RBFOX1: variants seen among roughly 807,000 people sequenced by gnomAD.
RBFOX1 encodes RNA binding fox-1 homolog 1, also known as RNA binding protein fox-1 homolog 1.
A neutral mutation model predicts 57.7 loss-of-function variants in RBFOX1; 8 were observed. The ratio of observed to expected loss-of-function variants is 0.14; its 90% confidence interval spans 0.08 to 0.25. The LOEUF is 0.25. Ranked by LOEUF, RBFOX1 falls within the 10% of genes least tolerant of loss-of-function variation. The probability of loss-of-function intolerance (pLI) is 1.00; values close to 1 mark genes in which losing one functional copy is unlikely to be tolerated. For missense variants in RBFOX1, 611 were observed against 548.5 expected (o/e 1.11, Z -1.14); for synonymous variants, 326 against 222.4 (o/e 1.47, Z -4.15).
rs184785341 is a variant in RBFOX1 at position 7,244,864 on chromosome 16, A to T, written c.27+192766A>T. On this transcript the variant is annotated intron_variant, in intron 4 of 15. Transcript: ENST00000550418. ...TGCTCATGATGGGCCTAAATAAGAG[A>T]TATTCCTCTACTGTAAGAAAAGCTC... Among the ~76,000 whole-genome samples, 8 of 152,236 alleles carry T rather than the reference A, an allele frequency of 5.3e-5. No individual in the cohort carries two copies. The East Asian group carries it at 7.7e-4, about 15-fold the overall frequency.
At chr16:7,274,674 G>GT (rs913377006) in intron 4 of RBFOX1, among the ~76,000 whole-genome samples, 30 of 145,932 alleles carry the variant, frequency 2.1e-4, no homozygotes, top group Admixed American at 1.7e-3. Context: ...AGAGCATTAG[G>GT]TTTTTTTTAC....
At chr16:7,228,316 A>G (rs560795211) in intron 4 of RBFOX1, among the ~76,000 whole-genome samples, 8 of 152,306 alleles carry the variant, frequency 5.3e-5, no homozygotes, top group African/African-American at 1.9e-4. Context: ...TATTATTCAC[A>G]TATTAGGAGG....
chr16:6,378,399 C>G (rs1468611), intron 2 of RBFOX1, among the ~76,000 whole-genome samples: 68,322 of 152,102 alleles, frequency 0.45, 15,825 homozygotes, highest in South Asian at 0.73. Flanking sequence ...TCTTTCTGCA[C>G]TAGCCTGTCA....
At chr16:7,063,635 A>G (rs912274200) in intron 4 of RBFOX1, among the ~76,000 whole-genome samples, 5 of 152,156 alleles carry the variant, frequency 3.3e-5, no homozygotes, top group East Asian at 1.9e-4. Context: ...TAGGAATGCT[A>G]TTGGCCCTTC....
At chr16:7,346,060 G>A (rs1407047207) in intron 4 of RBFOX1, among the ~76,000 whole-genome samples, 3 of 152,234 alleles carry the variant, frequency 2.0e-5, no homozygotes, top group African/African-American at 7.2e-5. Context: ...TCCCACCTGT[G>A]AGTGAGAACA....
chr16:5,588,896 T>TTGTACAGGTTGAGAGGTACA (rs1395117462), intron 2 of RBFOX1, among the ~76,000 whole-genome samples: 3 of 151,930 alleles, frequency 2.0e-5, no homozygotes, highest in Non-Finnish European at 2.9e-5. Context: ...TACAATTGGG[T>TTGTACAGGTTGAGAGGTACA]GGTTGATTGG....
chr16:5,568,222 C>T (rs533226786), intron 2 of RBFOX1, among the ~76,000 whole-genome samples: 33 of 152,298 alleles, frequency 2.2e-4, no homozygotes, highest in Admixed American at 1.8e-3. Flanking sequence ...CAGGTTGCAG[C>T]GTATGGGGGC....
chr16:7,347,635 G>T (rs773427874), intron 4 of RBFOX1, among the ~76,000 whole-genome samples: 2 of 152,180 alleles, frequency 1.3e-5, no homozygotes, highest in African/African-American at 2.4e-5. Flanking sequence ...CCCACTCTAG[G>T]CTGTCACACT....
intron 1 of RBFOX1, among the ~76,000 whole-genome samples, chr16:5,324,823 T>C (rs2064518443): frequency 6.6e-6 from 1 of 152,018 alleles, no homozygotes; most frequent in Non-Finnish European, 1.5e-5. Context: ...GGGTGGATAA[T>C]GGGAGGGAAG....
intron 3 of RBFOX1, among the ~76,000 whole-genome samples, chr16:6,741,120 A>C (rs2071950871): frequency 6.6e-6 from 1 of 152,152 alleles, no homozygotes; most frequent in Non-Finnish European, 1.5e-5. Context: ...TTAATGGGGG[A>C]AGTATAATCT....
At chr16:7,133,726 T>A (rs897738444) in intron 4 of RBFOX1, among the ~76,000 whole-genome samples, 4 of 152,198 alleles carry the variant, frequency 2.6e-5, no homozygotes, top group African/African-American at 9.6e-5. Flanking sequence ...CTGCTTATAG[T>A]TTCTTTAGAC....
intron 4 of RBFOX1, among the ~76,000 whole-genome samples, chr16:7,056,302 A>G (rs2052241268): frequency 6.6e-6 from 1 of 152,178 alleles, no homozygotes; most frequent in Non-Finnish European, 1.5e-5. Context: ...AAACTTGTTC[A>G]TTCCTCCGTC....
chr16:5,643,039 AC>A (rs1345709899), intron 3 of RBFOX1, among the ~76,000 whole-genome samples: 1 of 152,104 alleles, frequency 6.6e-6, no homozygotes, highest in Admixed American at 6.5e-5. Flanking sequence ...TTATGTCCTC[AC>A]CTTATGATAT....
chr16:7,185,968 C>A (rs2083655306), intron 4 of RBFOX1, among the ~76,000 whole-genome samples: 1 of 152,126 alleles, frequency 6.6e-6, no homozygotes, highest in Non-Finnish European at 1.5e-5. Context: ...ATGTCTCAGC[C>A]ATTAGTTCCT....
chr16:6,277,102 C>T (rs754670599), intron 1 of RBFOX1, among the ~76,000 whole-genome samples: 1 of 152,150 alleles, frequency 6.6e-6, no homozygotes, highest in Non-Finnish European at 1.5e-5. Context: ...CTGTACCAGA[C>T]ACAATTGCCG....
intron 3 of RBFOX1, among the ~76,000 whole-genome samples, chr16:6,726,290 C>G (rs903997161): frequency 6.6e-6 from 1 of 151,998 alleles, no homozygotes; most frequent in African/African-American, 2.4e-5. Context: ...TGTAACATTT[C>G]CATTAGGTTT....
intron 2 of RBFOX1, among the ~76,000 whole-genome samples, chr16:6,519,342 G>C (rs2096455721): frequency 1.3e-5 from 2 of 152,100 alleles, no homozygotes; most frequent in African/African-American, 4.8e-5. Flanking sequence ...TCCTTTTGGA[G>C]AAGAAATACT....
chr16:6,907,943 C>G (rs2070490803), intron 3 of RBFOX1, among the ~76,000 whole-genome samples: 1 of 151,614 alleles, frequency 6.6e-6, no homozygotes, highest in Admixed American at 6.6e-5. Flanking sequence ...TCTCCACCTG[C>G]ATGTTTACAT....
intron 14 of RBFOX1, among the ~76,000 whole-genome samples, chr16:7,701,564 A>T (rs2080745713): frequency 6.6e-6 from 1 of 152,178 alleles, no homozygotes; most frequent in Non-Finnish European, 1.5e-5. Context: ...GTCTTCTACA[A>T]AACTGGTCCC....
Sources: gnomAD v4.1 joint callset for allele counts (sites outside exome capture counted in the v4.1 genomes callset) on GRCh38, gnomAD v4.1.1 for gene constraint, MANE v1.5 for transcripts, NCBI Gene and HGNC (gene_info 2026-07-23, HGNC 2026-07-21) for gene names.